MLLT1: variants seen among roughly 807,000 people sequenced by gnomAD.
MLLT1 encodes MLLT1 super elongation complex subunit.
In MLLT1, 11 loss-of-function variants were observed where a neutral mutation model predicts 55.1. The observed-to-expected ratio is 0.20, with a 90% CI of 0.13 to 0.33. The LOEUF is 0.33. Ranked by LOEUF, MLLT1 falls within the 10% of genes least tolerant of loss-of-function variation. The pLI is 1.00. For synonymous variants in MLLT1, 323 were observed against 320.1 expected (o/e 1.01, Z -0.10); for missense variants, 536 against 760.6 (o/e 0.70, Z 3.47).
intron 2 of MLLT1, among the ~76,000 whole-genome samples, chr19:6,267,049 G>C (rs1206847804): frequency 6.6e-6 from 1 of 152,082 alleles, no homozygotes; most frequent in Non-Finnish European, 1.5e-5. Context: ...AGGACTGCTT[G>C]AGCCCAAGGA....
intron 2 of MLLT1, among the ~76,000 whole-genome samples, chr19:6,266,658 T>C (rs566883847): frequency 1.3e-5 from 2 of 152,262 alleles, no homozygotes; most frequent in East Asian, 3.9e-4. Flanking sequence ...GGTTTCACCA[T>C]GTTGGCCAGA....
Position 6,227,980 on chromosome 19 carries a change from G to C in MLLT1, c.421-878C>G, listed in dbSNP as rs559151665. On this transcript the variant is annotated intron_variant, in intron 4 of 11. Transcript: ENST00000252674. The surrounding 1 kb of genome is among the most constrained non-coding windows in gnomAD (Gnocchi z 5.1). Reference sequence around the variant, plus strand: ...GAAGAAGCACTGCTAACAGCCTTGAGCACCTGCAGTTCCCGGCCAGCCAAG... The same window carrying C: ...GAAGAAGCACTGCTAACAGCCTTGACCACCTGCAGTTCCCGGCCAGCCAAG... Among the ~76,000 whole-genome samples the C allele has an allele frequency of 2.0e-5, 3 of 152,338 alleles. No homozygotes were observed. Among genetic ancestry groups the C allele is most frequent in the African/African-American group, 4.8e-5 (2 of 41,580 alleles).
rs1000616660 is a variant in MLLT1, at chr19:6,219,838, G to A, written c.1111-1797C>T. On this transcript the variant is annotated intron_variant, in intron 6 of 11. Transcript: ENST00000252674. The surrounding 1 kb of genome is among the most constrained non-coding windows in gnomAD (Gnocchi z 4.5). ...GAGAGGCCCCCAAGCCTGTCCTGGC[G>A]CCGTGCCAGACAGAGGAAAGCCAGT... 7.2e-5 allele frequency among the ~76,000 whole-genome samples: 11 copies of A among 152,238 alleles called. No individual in the cohort carries two copies. Among genetic ancestry groups the A allele is most frequent in the African/African-American group, 1.9e-4 (8 of 41,454 alleles).
At position 6,211,357 on chromosome 19, in the gene MLLT1, C is replaced by A; in HGVS notation, c.*1685G>T. 4.3e-6 allele frequency: 1 copy of A among 233,618 alleles called. No homozygotes were observed. The allele number at this position is 233,618 out of a possible 1,614,324, so 14.5% of individuals were successfully genotyped here. On this transcript the variant is annotated 3_prime_UTR_variant, in exon 12 of 12. Transcript: ENST00000252674. This position sits in a 1 kb window ranked among gnomAD's most constrained non-coding sequence, Gnocchi z 4.6. ...GGTGGCGAGGAGTCCCGGAGGCTTC[C>A]TCCGAAGGTTCTCGGGCCTTTCCCC...
intron 3 of MLLT1, among the ~76,000 whole-genome samples, chr19:6,239,538 C>A (rs2091095691): frequency 6.6e-6 from 1 of 152,212 alleles, no homozygotes; most frequent in African/African-American, 2.4e-5. Context: ...CACGCCCACA[C>A]ATGCACACAC....
Position 6,230,219 on chromosome 19 carries a change from G to A in MLLT1, c.420+351C>T, listed in dbSNP as rs1211961505. On this transcript the variant is annotated intron_variant, in intron 4 of 11. Transcript: ENST00000252674. The surrounding 1 kb of genome is among the most constrained non-coding windows in gnomAD (Gnocchi z 9.0). The stretch of plus-strand genomic sequence containing the variant: ...GAGGTGATGGCGATGCGCACGGCAG[G>A]GGCCCTGTGCGGAGGCCCTGCCCAG... Among the ~76,000 whole-genome samples, 1 of 152,200 alleles carries A rather than the reference G, an allele frequency of 6.6e-6. No individual in the cohort carries two copies. Among genetic ancestry groups the A allele is most frequent in the Non-Finnish European group, 1.5e-5 (1 of 68,028 alleles).
rs370244417 is a variant in MLLT1, at chr19:6,213,416, G to C, written c.1480-8C>G. Reference sequence around the variant, plus strand: ...CAGCTCATCCGTGTAGGCCTGGGGAGGGGGGGCAGGTCTCAGCAGCGTGTG... The same window carrying C: ...CAGCTCATCCGTGTAGGCCTGGGGACGGGGGGCAGGTCTCAGCAGCGTGTG... On this transcript the variant is annotated splice_polypyrimidine_tract_variant and splice_region_variant and intron_variant, in intron 10 of 11. Transcript: ENST00000252674. The C allele has an allele frequency of 3.7e-5, 60 of 1,608,558 alleles. No individual in the cohort carries two copies. Among genetic ancestry groups the C allele is most frequent in the South Asian group, 2.5e-4 (23 of 91,062 alleles).
At chr19:6,220,895 G>T (rs1456205460) in intron 6 of MLLT1, among the ~76,000 whole-genome samples, 3 of 152,184 alleles carry the variant, frequency 2.0e-5, no homozygotes, top group African/African-American at 7.2e-5. Flanking sequence ...AGGTGGCACC[G>T]GCCCCCCCAC....
At chr19:6,234,172 G>A (rs1162367460) in intron 3 of MLLT1, among the ~76,000 whole-genome samples, 1 of 152,238 alleles carries the variant, frequency 6.6e-6, no homozygotes, top group Non-Finnish European at 1.5e-5. Flanking sequence ...AGGAGCACGC[G>A]TGGCCTCACA....
intron 2 of MLLT1, chr19:6,263,312 G>A (rs1215151372): frequency 6.6e-6 from 1 of 152,392 alleles, no homozygotes; most frequent in African/African-American, 2.4e-5. Flanking sequence ...GCACGGGCAT[G>A]GGCAGTGGCC....
At chr19:6,221,427 G>A (rs2090895725) in intron 6 of MLLT1, among the ~76,000 whole-genome samples, 1 of 152,372 alleles carries the variant, frequency 6.6e-6, no homozygotes, top group African/African-American at 2.4e-5. Context: ...GCAGTCCTCT[G>A]AGAATGTCCG....
intron 3 of MLLT1, among the ~76,000 whole-genome samples, chr19:6,253,264 C>CAAAAAAAA (rs71172800): frequency 2.8e-4 from 7 of 24,570 alleles, no homozygotes; most frequent in African/African-American, 5.3e-4. Context: ...GACCCCATCT[C>CAAAAAAAA]AAAAAAAAAA....
rs560106516 is a variant in MLLT1, at chr19:6,212,407, G to A, written c.*635C>T. ...TCTTAACCTACAAGCCCCACCGTAC[G>A]CACCCCCCACCCACCCCACGTGCAC... On this transcript the variant is annotated 3_prime_UTR_variant, in exon 12 of 12. Coordinates refer to ENST00000252674, the MANE Select transcript of MLLT1 (RefSeq NM_005934.4). The A allele has an allele frequency of 3.8e-5, 41 of 1,065,640 alleles. No homozygotes were observed. Among genetic ancestry groups the A allele is most frequent in the East Asian group, 5.0e-5 (1 of 20,164 alleles). The allele number at this position is 1,065,640 out of a possible 1,614,324, so 66.0% of individuals were successfully genotyped here. A position where few individuals can be genotyped will look rare whatever the true frequency, so the allele number is the denominator to read the frequency against.
intron 8 of MLLT1, among the ~76,000 whole-genome samples, chr19:6,215,226 G>A (rs1236514174): frequency 1.3e-5 from 2 of 152,262 alleles, no homozygotes; most frequent in Non-Finnish European, 2.9e-5. Flanking sequence ...CGTTCCGGGA[G>A]GAATCAAAAG....
intron 3 of MLLT1, among the ~76,000 whole-genome samples, chr19:6,251,357 C>T (rs1171573875): frequency 1.3e-5 from 2 of 152,274 alleles, no homozygotes; most frequent in East Asian, 1.9e-4. Context: ...CAACGGCTAG[C>T]CCCCTCTGGA....
At chr19:6,275,922 ACCGG>A (rs2091425628) in intron 1 of MLLT1, among the ~76,000 whole-genome samples, 1 of 152,194 alleles carries the variant, frequency 6.6e-6, no homozygotes, top group Non-Finnish European at 1.5e-5. Flanking sequence ...TAGACAGTGT[ACCGG>A]CTATCTCCCA....
At chr19:6,254,893 C>T (rs2091245980) in intron 3 of MLLT1, among the ~76,000 whole-genome samples, 1 of 151,662 alleles carries the variant, frequency 6.6e-6, no homozygotes, top group Non-Finnish European at 1.5e-5. Flanking sequence ...CGAAAGACAT[C>T]CAAACTGGAA....
chr19:6,251,469 G>A (rs1462169552), intron 3 of MLLT1, among the ~76,000 whole-genome samples: 1 of 152,174 alleles, frequency 6.6e-6, no homozygotes, highest in Non-Finnish European at 1.5e-5. Context: ...CCCTGGTCCT[G>A]AGCTTACTTT....
chr19:6,221,899 C>T (rs1187174408), intron 6 of MLLT1, among the ~76,000 whole-genome samples: 3 of 152,214 alleles, frequency 2.0e-5, no homozygotes, highest in African/African-American at 4.8e-5. Flanking sequence ...ACCGAGGAGG[C>T]GAGGAGGGAC....
Sources: allele counts gnomAD v4.1 joint callset (sites outside exome capture counted in the v4.1 genomes callset), GRCh38; gene constraint gnomAD v4.1.1; non-coding constraint Gnocchi (gnomAD v3.1); transcripts MANE v1.5; gene names NCBI Gene and HGNC (gene_info 2026-07-23, HGNC 2026-07-21).